Variants in CCDC180 observed in about 807,000 individuals in gnomAD.
CCDC180 encodes coiled-coil domain containing 180.
CCDC180 carries 154 observed loss-of-function variants against 209.2 expected under a neutral mutation model. The ratio of observed to expected loss-of-function variants is 0.74; its 90% CI spans 0.65 to 0.84. The LOEUF (loss-of-function observed/expected upper bound fraction) is 0.84. Among genes scored for constraint, CCDC180 ranks in the 40% least tolerant of loss-of-function variants. The pLI is 0.00. For missense variants in CCDC180, 1,874 were observed against 1,997.3 expected (o/e 0.94, Z 1.18); for synonymous variants, 778 against 749.1 (o/e 1.04, Z -0.63).
chr9:97,343,042 A>C (rs1213688953), intron 18 of CCDC180, among the ~76,000 whole-genome samples: 1 of 152,230 alleles, frequency 6.6e-6, no homozygotes, highest in East Asian at 1.9e-4. Flanking sequence ...AAATAATGAC[A>C]AATGATGAAG....
chr9:97,362,714 A>G (rs1826800174), intron 28 of CCDC180, among the ~76,000 whole-genome samples: 1 of 151,036 alleles, frequency 6.6e-6, no homozygotes. Context: ...ACAGAGCCAC[A>G]GAAAGAGTTC....
Position 97,314,703 on chromosome 9 carries a change from C to A in CCDC180, c.674C>A (p.Ser225Ter), listed in dbSNP as rs748673740. ...EIKELDEALH[S>*]LEFSRTDKLK... ...AAGGAGCTGGATGAGGCCCTGCACTCGCTGGAGTTCTCCCGAACCGATAAA... is the reference window on the plus strand; with the variant it reads ...AAGGAGCTGGATGAGGCCCTGCACTAGCTGGAGTTCTCCCGAACCGATAAA... The change falls in exon 7 of 37, where the codon TCG becomes TAG. Residue 225 changes from serine (S) to a stop codon, truncating the protein, a stop_gained. Coordinates refer to ENST00000529487, the MANE Select transcript of CCDC180 (RefSeq NM_020893.6). LOFTEE classifies it high-confidence loss of function. 3 of 1,613,900 alleles carry A rather than the reference C, an allele frequency of 1.9e-6. No individual in the cohort carries two copies. In the Admixed American group the frequency reaches 5.0e-5, roughly 27 times the overall value.
intron 5 of CCDC180, among the ~76,000 whole-genome samples, chr9:97,313,975 C>CGAGA (rs1169524509): frequency 6.6e-6 from 1 of 152,214 alleles, no homozygotes; most frequent in African/African-American, 2.4e-5. Context: ...ACAGGCTCTC[C>CGAGA]AGCCGTGTTT....
chr9:97,325,498 G>C (rs1167122381), intron 14 of CCDC180, among the ~76,000 whole-genome samples: 3 of 152,304 alleles, frequency 2.0e-5, no homozygotes, highest in East Asian at 3.9e-4. Context: ...TGCTTAAAGA[G>C]GGGGAGAATA....
chr9:97,334,557 C>T (rs1157538675), intron 18 of CCDC180, among the ~76,000 whole-genome samples: 1 of 152,326 alleles, frequency 6.6e-6, no homozygotes, highest in African/African-American at 2.4e-5. Context: ...TGCTGGCCTT[C>T]CAGTACATAC....
chr9:97,336,773 T>C (rs1825916625), intron 18 of CCDC180, among the ~76,000 whole-genome samples: 1 of 152,224 alleles, frequency 6.6e-6, no homozygotes, highest in African/African-American at 2.4e-5. Context: ...ATTTTCACGA[T>C]ATTGATTCTT....
At chr9:97,342,061 T>A (rs1826099846) in intron 18 of CCDC180, among the ~76,000 whole-genome samples, 1 of 152,220 alleles carries the variant, frequency 6.6e-6, no homozygotes, top group African/African-American at 2.4e-5. Context: ...AGTGTTCTGA[T>A]TTTCCTGGTA....
At chr9:97,311,893 C>G (rs1044477439) in intron 3 of CCDC180, among the ~76,000 whole-genome samples, 1 of 152,148 alleles carries the variant, frequency 6.6e-6, no homozygotes, top group African/African-American at 2.4e-5. Context: ...GACCCAACCT[C>G]TCACCTAGGG....
chr9:97,316,846 G>A (rs1296870098), intron 8 of CCDC180, among the ~76,000 whole-genome samples: 1 of 152,196 alleles, frequency 6.6e-6, no homozygotes, highest in Non-Finnish European at 1.5e-5. Flanking sequence ...CTGTGGTTAA[G>A]CCTTCAAGGA....
chr9:97,322,785 ATCT>A, intron 11 of CCDC180, 45 bp from the exon 12 acceptor site: 1 of 1,548,824 alleles, frequency 6.5e-7, no homozygotes, highest in African/African-American at 1.4e-5. Flanking sequence ...CCCCTTTCTA[ATCT>A]TCTCTTCCTT....
rs1443213174 is a variant in CCDC180, at chr9:97,320,121, C to T, written c.1080-5C>T. The T allele has an allele frequency of 3.7e-6, 6 of 1,613,760 alleles. No homozygotes were observed. The highest frequency in any genetic ancestry group is 1.1e-5 in the South Asian group (1 of 91,072). On this transcript the variant is annotated splice_region_variant and splice_polypyrimidine_tract_variant and intron_variant, in intron 10 of 36. Transcript: ENST00000529487. ...GTGGCTTACTTGCTGTATCTTCCTTCCCAGTGACCTCCTGCCCCCCAGTTA... is the reference window on the plus strand; with the variant it reads ...GTGGCTTACTTGCTGTATCTTCCTTTCCAGTGACCTCCTGCCCCCCAGTTA...
Position 97,314,731 on chromosome 9 carries a change from A to C in CCDC180, c.699+3A>C. 1 of 1,613,268 alleles carries C rather than the reference A, an allele frequency of 6.2e-7. No individual in the cohort carries two copies. The highest frequency in any genetic ancestry group is 1.1e-5 in the South Asian group (1 of 90,996). On this transcript the variant is annotated splice_donor_region_variant and intron_variant, in intron 7 of 36. Transcript: ENST00000529487. The stretch of plus-strand genomic sequence containing the variant: ...TGGAGTTCTCCCGAACCGATAAAGT[A>C]AGTCGGCTGCAGGTGGGCTGTGTGG...
intron 10 of CCDC180, among the ~76,000 whole-genome samples, chr9:97,319,091 A>C (rs1208167869): frequency 6.6e-6 from 1 of 152,116 alleles, no homozygotes; most frequent in Non-Finnish European, 1.5e-5. Flanking sequence ...TTCTAGATCC[A>C]GCTGGCCAGC....
intron 22 of CCDC180, among the ~76,000 whole-genome samples, chr9:97,351,916 T>C (rs1826431707): frequency 1.3e-5 from 2 of 151,952 alleles, no homozygotes; most frequent in South Asian, 2.1e-4. Flanking sequence ...AGTTCGAGAG[T>C]AGCCTTGCCA....
intron 19 of CCDC180, among the ~76,000 whole-genome samples, chr9:97,343,799 C>T (rs1436454945): frequency 6.6e-6 from 1 of 152,222 alleles, no homozygotes; most frequent in Non-Finnish European, 1.5e-5. Context: ...AGGAGGCTCT[C>T]TGCTGGCTTG....
At chr9:97,324,215 T>A (rs1833452923) in intron 13 of CCDC180, among the ~76,000 whole-genome samples, 1 of 152,174 alleles carries the variant, frequency 6.6e-6, no homozygotes, top group Admixed American at 6.5e-5. Context: ...ACACGTGTTA[T>A]CTTGAACCAG....
rs376923737 is a variant in CCDC180, at chr9:97,313,238, C to T, written c.352C>T (p.Pro118Ser). ...EVRGLMDTIV[P>S]EKISTSTFQR... Reference sequence around the variant, plus strand: ...TCACCTCTGTTGTTGCTCCGCAGTTCCTGAGAAGATAAGCACCAGCACCTT... The same window carrying T: ...TCACCTCTGTTGTTGCTCCGCAGTTTCTGAGAAGATAAGCACCAGCACCTT... The change falls in exon 5 of 37, where the codon CCT becomes TCT. Residue 118 changes from proline (P) to serine (S), a missense_variant and splice_region_variant. By Grantham distance (74) the Pro-to-Ser change is moderately conservative. Transcript: ENST00000529487. The T allele has an allele frequency of 7.7e-5, 124 of 1,607,056 alleles. No individual in the cohort carries two copies. Among genetic ancestry groups the T allele is most frequent in the Non-Finnish European group, 1.0e-4 (118 of 1,175,004 alleles).
In CCDC180 at chr9:97,354,561, A is replaced by G. The variant is rs749648743; in HGVS notation, c.3003-8A>G. The stretch of plus-strand genomic sequence containing the variant: ...CTGTGGCTTTTATTTGTCTTTGATT[A>G]TTTTCAGATTGTTTTCAGAGGGAGG... On this transcript the variant is annotated splice_region_variant and splice_polypyrimidine_tract_variant and intron_variant, in intron 22 of 36. Coordinates refer to ENST00000529487, the MANE Select transcript of CCDC180 (RefSeq NM_020893.6). 2.2e-5 allele frequency: 36 copies of G among 1,613,866 alleles called. No individual in the cohort carries two copies. In the Admixed American group the frequency reaches 6.0e-4, roughly 27 times the overall value.
chr9:97,369,572 T>C (rs1238234873), intron 31 of CCDC180: 2 of 198,346 alleles, frequency 1.0e-5, no homozygotes, highest in Non-Finnish European at 2.1e-5. Context: ...TCCTCCCACT[T>C]CAGCCTCCTG....
Sources: allele counts gnomAD v4.1 joint callset (sites outside exome capture counted in the v4.1 genomes callset), GRCh38; gene constraint gnomAD v4.1.1; transcripts MANE v1.5; gene names NCBI Gene and HGNC (gene_info 2026-07-23, HGNC 2026-07-21).